The following ASAP1 variants were observed in gnomAD, a reference collection of about 807,000 sequenced individuals.
ASAP1 encodes the protein ArfGAP with SH3 domain, ankyrin repeat and PH domain 1.
In ASAP1, 43 loss-of-function variants were observed where a neutral mutation model predicts 145.2. The observed-to-expected ratio is 0.30, with a 90% confidence interval of 0.23 to 0.38. The LOEUF (loss-of-function observed/expected upper bound fraction) is 0.38, where lower values mean the gene tolerates loss of function less well. Ranked by LOEUF, ASAP1 falls within the 10% of genes least tolerant of loss-of-function variation. ASAP1 has a pLI of 1.00. For missense variants in ASAP1, 1,018 were observed against 1,355.3 expected, an observed-to-expected ratio of 0.75 and a Z score of 3.91; for synonymous variants, 546 against 515.5, an observed-to-expected ratio of 1.06 and a Z score of -0.80.
intron 5 of ASAP1, among the ~76,000 whole-genome samples, chr8:130,198,051 G>C (rs1389419727): frequency 1.6e-4 from 24 of 151,944 alleles, no homozygotes; most frequent in Admixed American, 1.6e-3. Context: ...TGAACCTGGT[G>C]CCTTCCCTAC....
chr8:130,311,651 C>T (rs1299103976), intron 3 of ASAP1, among the ~76,000 whole-genome samples: 1 of 150,870 alleles, frequency 6.6e-6, no homozygotes, highest in East Asian at 2.0e-4. Context: ...ATCCCAGCTA[C>T]TCGGGAGGCT....
At chr8:130,057,606 G>A (rs1296024568) in intron 29 of ASAP1, among the ~76,000 whole-genome samples, 2 of 152,072 alleles carry the variant, frequency 1.3e-5, no homozygotes, top group East Asian at 1.9e-4. Context: ...GTGCCACCAT[G>A]CCCAGTTAAT....
chr8:130,408,074 A>G (rs1235612391), intron 1 of ASAP1, among the ~76,000 whole-genome samples: 1 of 152,240 alleles, frequency 6.6e-6, no homozygotes, highest in Non-Finnish European at 1.5e-5. Flanking sequence ...GTCTAGTCCC[A>G]GTTGAAATTC....
At chr8:130,213,529 A>G (rs1816711531) in intron 5 of ASAP1, among the ~76,000 whole-genome samples, 1 of 152,230 alleles carries the variant, frequency 6.6e-6, no homozygotes, top group South Asian at 2.1e-4. Flanking sequence ...TACATGAATA[A>G]CTGACCTAGG....
chr8:130,443,202 A>C, intron 1 of ASAP1, among the ~76,000 whole-genome samples: 1 of 150,704 alleles, frequency 6.6e-6, no homozygotes, highest in African/African-American at 2.5e-5. Context: ...CCCGAGCTGG[A>C]GGCGAGGAGA....
intron 11 of ASAP1, among the ~76,000 whole-genome samples, chr8:130,160,317 A>G (rs1810508461): frequency 6.6e-6 from 1 of 152,222 alleles, no homozygotes. Flanking sequence ...GGGACTGGAA[A>G]AAATGAAGTG....
In ASAP1 at chr8:130,178,985, A is replaced by G. The variant is rs1338070862; in HGVS notation, c.746+279T>C. The stretch of plus-strand genomic sequence containing the variant: ...AGTGACAGGGGATCATGCATCTGTA[A>G]TAAGAGCTCCACAGGCGATCAAATT... On this transcript the variant is annotated intron_variant, in intron 9 of 29. Coordinates refer to ENST00000518721, the MANE Select transcript of ASAP1 (RefSeq NM_018482.4). 5.5e-5 allele frequency: 15 copies of G among 271,870 alleles called. No individual in the cohort carries two copies. The Admixed American group carries it at 7.3e-4, about 13-fold the overall frequency. 16.8% of individuals were successfully genotyped at this position (271,870 alleles called of 1,614,324 possible). A position where few individuals can be genotyped will look rare whatever the true frequency, so the allele number is the denominator to read the frequency against.
chr8:130,309,244 GAC>G (rs1485453839), intron 3 of ASAP1, among the ~76,000 whole-genome samples: 2 of 152,170 alleles, frequency 1.3e-5, no homozygotes, highest in Non-Finnish European at 2.9e-5. Flanking sequence ...TCAAATGGTG[GAC>G]ACAGAGAGAC....
intron 14 of ASAP1, 56 bp from the exon 15 acceptor site, chr8:130,134,400 G>T: frequency 8.8e-7 from 1 of 1,137,314 alleles, no homozygotes; most frequent in Non-Finnish European, 1.2e-6. Context: ...GTACTTTCAG[G>T]TACAACACAG....
At chr8:130,398,287 C>T (rs543383542) in intron 2 of ASAP1, among the ~76,000 whole-genome samples, 121 of 152,320 alleles carry the variant, frequency 7.9e-4, no homozygotes, top group African/African-American at 2.9e-3. Context: ...TATCCCCTAC[C>T]CACCCAAGGG....
Position 130,180,884 on chromosome 8 carries a change from T to C in ASAP1, c.531-4A>G. The C allele has an allele frequency of 6.3e-7, 1 of 1,595,022 alleles. No homozygotes were observed. The highest frequency in any genetic ancestry group is 1.4e-5 in the African/African-American group (1 of 70,910). ...TTTCTCTTTCTCAATTTTTGTACTG[T>C]AATTAAAGCCAATGTCATTATTTAA... is the stretch of plus-strand genomic sequence containing the variant. On this transcript the variant is annotated splice_polypyrimidine_tract_variant and splice_region_variant and intron_variant, in intron 7 of 29. Transcript: ENST00000518721.
intron 3 of ASAP1, among the ~76,000 whole-genome samples, chr8:130,261,412 A>G (rs1819888549): frequency 6.6e-6 from 1 of 152,216 alleles, no homozygotes; most frequent in Admixed American, 6.5e-5. Context: ...TTAACCACCC[A>G]ATAAATTCCA....
rs142024614 is a variant in ASAP1 at position 130,314,639 on chromosome 8, G to T, written c.186+43378C>A. Among the ~76,000 whole-genome samples, 689 of 152,352 alleles carry T rather than the reference G, an allele frequency of 4.5e-3. 5 individuals carry two copies. Among genetic ancestry groups the T allele is most frequent in the African/African-American group, 0.016 (654 of 41,586 alleles). On this transcript the variant is annotated intron_variant, in intron 3 of 29. Coordinates refer to ENST00000518721, the MANE Select transcript of ASAP1 (RefSeq NM_018482.4). ...CAGGCTTTCCAAACCACAGCATGCT[G>T]CGCTTCCCAGTGGCACCTGCAAGGT...
chr8:130,241,586 G>A (rs74875451), intron 3 of ASAP1, among the ~76,000 whole-genome samples: 3,955 of 152,152 alleles, frequency 0.026, 62 homozygotes, highest in Middle Eastern at 0.044. Context: ...TTTGAAAATG[G>A]TTGACAAAAT....
intron 2 of ASAP1, chr8:130,361,862 A>G (rs1826727001): frequency 1.1e-6 from 1 of 903,084 alleles, no homozygotes. Flanking sequence ...TCCTCCCCAA[A>G]GCCAGGAAAA....
At chr8:130,125,912 C>G in intron 17 of ASAP1, 44 bp downstream of exon 17, 3 of 1,557,744 alleles carry the variant, frequency 1.9e-6, no homozygotes, top group Non-Finnish European at 2.6e-6. Context: ...TAAAATTACT[C>G]ATGACAATAA....
intron 5 of ASAP1, among the ~76,000 whole-genome samples, chr8:130,199,101 T>A (rs370511153): frequency 6.6e-6 from 1 of 152,210 alleles, no homozygotes; most frequent in Admixed American, 6.5e-5. Flanking sequence ...CCCTTCTCCC[T>A]AACCTCCTGT....
intron 24 of ASAP1, among the ~76,000 whole-genome samples, chr8:130,096,372 G>C (rs548433877): frequency 2.0e-4 from 31 of 152,046 alleles, no homozygotes; most frequent in Non-Finnish European, 4.1e-4. Flanking sequence ...AGCATCAAAC[G>C]CAACACAAAA....
intron 18 of ASAP1, among the ~76,000 whole-genome samples, chr8:130,122,500 C>T (rs2097568070): frequency 6.6e-6 from 1 of 152,158 alleles, no homozygotes; most frequent in African/African-American, 2.4e-5. Flanking sequence ...ATAACAGATA[C>T]TTATACAGCA....
Sources: allele counts gnomAD v4.1 joint callset (sites outside exome capture counted in the v4.1 genomes callset), GRCh38; gene constraint gnomAD v4.1.1; transcripts MANE v1.5; gene names NCBI Gene and HGNC (gene_info 2026-07-23, HGNC 2026-07-21).